Variants in PCDH15 observed in about 807,000 individuals in gnomAD.
PCDH15 encodes the protein protocadherin related 15.
A neutral mutation model predicts 178.5 loss-of-function variants in PCDH15; 129 were observed. The ratio of observed to expected loss-of-function variants is 0.72; its 90% CI spans 0.63 to 0.84. The LOEUF is 0.84. PCDH15 is among the 40% of genes least tolerant of loss of function. The pLI is 0.00. For missense variants in PCDH15, 2,230 were observed against 2,099.9 expected (o/e 1.06, Z -1.21); for synonymous variants, 800 against 732.0 (o/e 1.09, Z -1.50).
intron 2 of PCDH15, among the ~76,000 whole-genome samples, chr10:54,925,195 TA>T (rs1837585951): frequency 1.3e-5 from 2 of 152,178 alleles, no homozygotes; most frequent in Non-Finnish European, 1.5e-5. Flanking sequence ...ATTTATTAAA[TA>T]AAAAATCCTT....
chr10:55,169,110 T>C (rs1415012536), intron 1 of PCDH15, among the ~76,000 whole-genome samples: 1 of 152,014 alleles, frequency 6.6e-6, no homozygotes, highest in Non-Finnish European at 1.5e-5. Context: ...ATACCGAAAA[T>C]AAACATTTTT....
intron 26 of PCDH15, among the ~76,000 whole-genome samples, chr10:53,878,301 A>G: frequency 9.3e-6 from 1 of 107,506 alleles, no homozygotes; most frequent in South Asian, 3.2e-4. Flanking sequence ...ATATATATAT[A>G]GACTATATAT....
intron 1 of PCDH15, among the ~76,000 whole-genome samples, chr10:54,753,897 T>TG (rs1302142213): frequency 7.9e-5 from 3 of 37,838 alleles, no homozygotes; most frequent in Non-Finnish European, 2.3e-4. Context: ...TGTTTGTGTT[T>TG]TTTTTTTTTT....
At chr10:54,935,202 C>T (rs1189852746) in intron 2 of PCDH15, among the ~76,000 whole-genome samples, 5 of 151,952 alleles carry the variant, frequency 3.3e-5, no homozygotes, top group Non-Finnish European at 5.9e-5. Context: ...GCACATTGTG[C>T]ACGTGTACCC....
intron 2 of PCDH15, among the ~76,000 whole-genome samples, chr10:55,074,842 T>C (rs1591881649): frequency 6.6e-6 from 1 of 152,084 alleles, no homozygotes; most frequent in Admixed American, 6.6e-5. Flanking sequence ...GATTTTTATG[T>C]TTTTGGGTTT....
At chr10:55,012,876 C>T (rs955999417) in intron 2 of PCDH15, among the ~76,000 whole-genome samples, 4 of 152,208 alleles carry the variant, frequency 2.6e-5, no homozygotes, top group African/African-American at 9.6e-5. Context: ...ATATATGACT[C>T]TAGTCCAGAC....
At chr10:54,527,433 T>C (rs2083461513) in intron 3 of PCDH15, among the ~76,000 whole-genome samples, 1 of 152,104 alleles carries the variant, frequency 6.6e-6, no homozygotes, top group African/African-American at 2.4e-5. Context: ...TCCCAGCCAA[T>C]AGAAGTTAGC....
At chr10:54,441,464 C>T (rs1330387799) in intron 3 of PCDH15, among the ~76,000 whole-genome samples, 1 of 151,856 alleles carries the variant, frequency 6.6e-6, no homozygotes, top group Non-Finnish European at 1.5e-5. Context: ...TGATCTGCAA[C>T]TTTCTAATTG....
intron 2 of PCDH15, among the ~76,000 whole-genome samples, chr10:55,501,396 A>G (rs1420458246): frequency 2.0e-5 from 3 of 151,724 alleles, no homozygotes; most frequent in African/African-American, 4.8e-5. Flanking sequence ...ATTATTAATC[A>G]TATCTGGGGA....
intron 1 of PCDH15, among the ~76,000 whole-genome samples, chr10:55,295,155 AACAT>A (rs1203883680): frequency 1.3e-5 from 2 of 152,210 alleles, no homozygotes; most frequent in African/African-American, 4.8e-5. Context: ...TCTAATTTCT[AACAT>A]ACCACTCCTG....
At chr10:54,758,962 AT>A (rs1335774260) in intron 1 of PCDH15, among the ~76,000 whole-genome samples, 2 of 151,386 alleles carry the variant, frequency 1.3e-5, no homozygotes, top group Admixed American at 1.3e-4. Flanking sequence ...CTGTCCTCTC[AT>A]TTCCTGGTCT....
At chr10:54,462,501 C>CT (rs1371086367) in intron 3 of PCDH15, among the ~76,000 whole-genome samples, 1 of 107,904 alleles carries the variant, frequency 9.3e-6, no homozygotes, top group African/African-American at 4.5e-5. Context: ...TTTTCTTTTT[C>CT]TTTTTCTTTT....
At chr10:54,011,504 G>A (rs1036625776) in intron 20 of PCDH15, among the ~76,000 whole-genome samples, 2 of 152,154 alleles carry the variant, frequency 1.3e-5, no homozygotes, top group Admixed American at 6.6e-5. Flanking sequence ...TGTGTAGCCT[G>A]GGAGTGCCAA....
chr10:54,518,166 G>A (rs1270113227), intron 3 of PCDH15, among the ~76,000 whole-genome samples: 1 of 151,974 alleles, frequency 6.6e-6, no homozygotes, highest in African/African-American at 2.4e-5. Flanking sequence ...AAAAGCAAGA[G>A]CAAACACATT....
rs547179094 is a variant in PCDH15, at chr10:54,499,603, A to G, written c.157+28209T>C. ...TAAACAATAAAATTTAGGCAGAAAT[A>G]AAAAAAATTATTTGAAACTAAGGAA... On this transcript the variant is annotated intron_variant, in intron 3 of 37. Coordinates refer to ENST00000644397, the MANE Select transcript of PCDH15 (RefSeq NM_001384140.1). Among the ~76,000 whole-genome samples, 4 of 152,146 alleles carry G rather than the reference A, an allele frequency of 2.6e-5. No individual in the cohort carries two copies. The East Asian group carries it at 7.7e-4, about 29-fold the overall frequency.
chr10:54,057,871 A>C (rs1334263886), intron 18 of PCDH15, among the ~76,000 whole-genome samples: 1 of 152,152 alleles, frequency 6.6e-6, no homozygotes, highest in Non-Finnish European at 1.5e-5. Context: ...ATCTCTTTCA[A>C]GTTCAAAGTT....
chr10:55,374,139 G>A (rs1845568295), intron 2 of PCDH15, among the ~76,000 whole-genome samples: 1 of 151,230 alleles, frequency 6.6e-6, no homozygotes, highest in South Asian at 2.1e-4. Flanking sequence ...ATGGGCTTTG[G>A]GCTTTGATTC....
intron 3 of PCDH15, among the ~76,000 whole-genome samples, chr10:54,457,959 G>T (rs2076933305): frequency 6.6e-6 from 1 of 152,148 alleles, no homozygotes; most frequent in Admixed American, 6.6e-5. Flanking sequence ...CCATACATCA[G>T]TGGCCACTGA....
At chr10:54,717,173 G>A (rs150333819) in intron 1 of PCDH15, among the ~76,000 whole-genome samples, 79,092 of 122,378 alleles carry the variant, frequency 0.65, 28,416 homozygotes, top group Middle Eastern at 0.82. Flanking sequence ...GAAAACCTAG[G>A]CATTACCATT....
Sources: allele counts gnomAD v4.1 joint callset (sites outside exome capture counted in the v4.1 genomes callset), GRCh38; gene constraint gnomAD v4.1.1; transcripts MANE v1.5; gene names NCBI Gene and HGNC (gene_info 2026-07-23, HGNC 2026-07-21).